Variants in TSC1 observed in about 807,000 individuals in gnomAD.
TSC1 encodes the protein hamartin.
In TSC1, 20 loss-of-function variants were observed where a neutral mutation model predicts 124.3. The observed-to-expected ratio is 0.16, with a 90% CI of 0.11 to 0.23. The LOEUF (loss-of-function observed/expected upper bound fraction) is 0.23, where lower values mean the gene tolerates loss of function less well. Among genes scored for constraint, TSC1 ranks in the 10% least tolerant of loss-of-function variants. TSC1 has a pLI of 1.00. For synonymous variants in TSC1, 493 were observed against 539.1 expected, an observed-to-expected ratio of 0.91 and a Z score of 1.19; for missense variants, 1,124 against 1,448.5, an observed-to-expected ratio of 0.78 and a Z score of 3.64.
At chr9:132,901,332 AGG>A (rs1225371906) in intron 19 of TSC1, among the ~76,000 whole-genome samples, 1 of 152,226 alleles carries the variant, frequency 6.6e-6, no homozygotes, top group African/African-American at 2.4e-5. Context: ...TCTTTGTTGC[AGG>A]GGGCTGCCTG....
intron 5 of TSC1, chr9:132,924,828 A>G (rs1846762407): frequency 1.3e-5 from 2 of 152,258 alleles, no homozygotes; most frequent in African/African-American, 4.8e-5. Context: ...TAGGGATAAT[A>G]AAAGAGTTAC....
chr9:132,908,537 C>T (rs1845782987), intron 12 of TSC1, among the ~76,000 whole-genome samples: 1 of 152,072 alleles, frequency 6.6e-6, no homozygotes. Flanking sequence ...ACTGCAATCT[C>T]TGCCTCCTGG....
intron 1 of TSC1, chr9:132,944,057 G>C (rs1847904094): frequency 6.6e-6 from 1 of 152,618 alleles, no homozygotes; most frequent in South Asian, 2.1e-4. Flanking sequence ...GCGAGTCCTT[G>C]ATCCCCACAG....
Position 132,895,681 on chromosome 9 carries a change from G to A in TSC1, c.*554C>T, listed in dbSNP as rs1453584796. 1.7e-5 allele frequency: 4 copies of A among 241,438 alleles called. No individual in the cohort carries two copies. Among genetic ancestry groups the A allele is most frequent in the Non-Finnish European group, 3.3e-5 (4 of 122,938 alleles). 15.0% of individuals were successfully genotyped at this position (241,438 alleles called of 1,614,324 possible). ...AAACCGTTGTTCTTCTAGACCTGCT[G>A]CTTTAGATGCTGAACTTCAGAATCA... On this transcript the variant is annotated 3_prime_UTR_variant, in exon 23 of 23. Transcript: ENST00000298552.
chr9:132,913,602 G>A (rs903030502), intron 8 of TSC1, among the ~76,000 whole-genome samples: 3 of 151,940 alleles, frequency 2.0e-5, no homozygotes, highest in East Asian at 1.9e-4. Flanking sequence ...TGAGGCGGAC[G>A]GATCACAAGG....
chr9:132,910,546 G>A (rs1845892073), intron 12 of TSC1, 25 bp downstream of exon 12: 1 of 1,613,926 alleles, frequency 6.2e-7, no homozygotes, highest in Non-Finnish European at 8.5e-7. Context: ...CTGGGCAGAG[G>A]GATAGCAGAC....
chr9:132,933,040 G>A (rs1238787337), intron 2 of TSC1, among the ~76,000 whole-genome samples: 1 of 152,176 alleles, frequency 6.6e-6, no homozygotes, highest in Non-Finnish European at 1.5e-5. Context: ...CCAAAATCTG[G>A]TGGCTGTCTG....
chr9:132,904,585 A>C, intron 15 of TSC1, 131 bp from the exon 16 acceptor site: 1 of 895,280 alleles, frequency 1.1e-6, no homozygotes, highest in South Asian at 1.4e-5. Context: ...GAATGTTTCA[A>C]ACTCCAGGTC....
chr9:132,905,859 C>G lies in TSC1; in HGVS notation c.1719G>C (p.Gln573His), dbSNP rs1588309743. The change falls in exon 15 of 23, where the codon CAG becomes CAC. Residue 573 changes from glutamine to histidine, a missense_variant. Physicochemically the swap from Gln to His is conservative, Grantham distance 24 (BLOSUM62 0). Transcript: ENST00000298552. ...TGAAGATACTGGTCTCCAAAGAAGT[C>G]TGGCATTCCCTGTCTCCCGCAGGGC... is the stretch of plus-strand genomic sequence containing the variant. Reference protein sequence around the residue: ...DESPAGDRECQTSLETSIFTP... With the variant: ...DESPAGDRECHTSLETSIFTP... 1 of 1,612,822 alleles carries G rather than the reference C, an allele frequency of 6.2e-7. No individual in the cohort carries two copies. Among genetic ancestry groups the G allele is most frequent in the East Asian group, 2.2e-5 (1 of 44,860 alleles).
intron 12 of TSC1, among the ~76,000 whole-genome samples, chr9:132,908,746 G>A (rs1845793792): frequency 6.6e-6 from 1 of 151,042 alleles, no homozygotes; most frequent in Middle Eastern, 3.6e-3. Flanking sequence ...ACGCCCAGCC[G>A]CAAAAAGTAA....
intron 6 of TSC1, among the ~76,000 whole-genome samples, chr9:132,922,360 G>A (rs1175856180): frequency 1.3e-5 from 2 of 151,884 alleles, no homozygotes; most frequent in Non-Finnish European, 2.9e-5. Context: ...AATTCAGTAC[G>A]AGCTTCTTGA....
chr9:132,922,397 G>A (rs574199950), intron 6 of TSC1, among the ~76,000 whole-genome samples: 44 of 152,038 alleles, frequency 2.9e-4, no homozygotes, highest in African/African-American at 8.0e-4. Flanking sequence ...CTTATTTCTC[G>A]GTGCTTTGCA....
chr9:132,897,916 C>T (rs561361665), intron 20 of TSC1, among the ~76,000 whole-genome samples: 1 of 152,114 alleles, frequency 6.6e-6, no homozygotes, highest in African/African-American at 2.4e-5. Context: ...GTCAGGGGAA[C>T]AGTTAAGTAA....
At chr9:132,941,002 C>T (rs1054673121) in intron 1 of TSC1, 2 of 152,174 alleles carry the variant, frequency 1.3e-5, no homozygotes, top group African/African-American at 4.8e-5. Context: ...ATCACATCAC[C>T]CACAGAAGGG....
Position 132,910,751 on chromosome 9 carries a change from G to T in TSC1, c.1142-59C>A, listed in dbSNP as rs1473979158. Reference sequence around the variant, plus strand: ...GAGCCCAACTATTAGAAAAACTGCCGATTTTTTTTCAGCCTATAACTATTA... The same window carrying T: ...GAGCCCAACTATTAGAAAAACTGCCTATTTTTTTTCAGCCTATAACTATTA... On this transcript the variant is annotated intron_variant, in intron 11 of 22. Transcript: ENST00000298552. The T allele has an allele frequency of 8.7e-6, 14 of 1,610,008 alleles. No homozygotes were observed. In the East Asian group the frequency reaches 3.1e-4, roughly 36 times the overall value.
chr9:132,917,731 G>C lies in TSC1; in HGVS notation c.737+3632C>G, dbSNP rs573124484. Among the ~76,000 whole-genome samples the C allele has an allele frequency of 3.9e-5, 6 of 152,170 alleles. No homozygotes were observed. The East Asian group carries it at 1.2e-3, about 29-fold the overall frequency. ...TCATATTACCAAGCTCTATCCTTTGGTTCTGCTTTCTATTTACCTATATCT... is the reference window on the plus strand; with the variant it reads ...TCATATTACCAAGCTCTATCCTTTGCTTCTGCTTTCTATTTACCTATATCT... On this transcript the variant is annotated intron_variant, in intron 8 of 22. Transcript: ENST00000298552.
intron 1 of TSC1, among the ~76,000 whole-genome samples, chr9:132,937,802 C>T (rs1847539537): frequency 2.0e-5 from 3 of 152,142 alleles, no homozygotes; most frequent in Non-Finnish European, 2.9e-5. Context: ...GCGACCTTCG[C>T]CTCCCAGGCT....
At chr9:132,925,546 C>T (rs902354079) in intron 5 of TSC1, 41 bp downstream of exon 5, 2 of 1,613,088 alleles carry the variant, frequency 1.2e-6, no homozygotes, top group African/African-American at 1.3e-5. Context: ...AGAAACTATA[C>T]TCATAAAACC....
rs368824230 is a variant in TSC1 at position 132,895,312 on chromosome 9, C to T, written c.*923G>A. 16 of 233,288 alleles carry T rather than the reference C, an allele frequency of 6.9e-5. 1 individual carries two copies. The South Asian group carries it at 2.7e-3, about 40-fold the overall frequency. 14.5% of individuals were successfully genotyped at this position (233,288 alleles called of 1,614,324 possible). ...AGAGGCGTATGCACACAAAGGGAGG[C>T]CAGTAGACAGAAGGGTTTAACAAAA... On this transcript the variant is annotated 3_prime_UTR_variant, in exon 23 of 23. Transcript: ENST00000298552.
Sources: allele counts gnomAD v4.1 joint callset (sites outside exome capture counted in the v4.1 genomes callset), GRCh38; gene constraint gnomAD v4.1.1; transcripts MANE v1.5; gene names NCBI Gene and HGNC (gene_info 2026-07-23, HGNC 2026-07-21).